NSG2: variants seen among roughly 807,000 people sequenced by gnomAD.
NSG2 encodes the protein neuronal vesicle trafficking associated 2.
In NSG2, 4 loss-of-function variants were observed where a neutral mutation model predicts 16.9. The observed-to-expected ratio is 0.24, with a 90% CI of 0.12 to 0.54. The LOEUF (loss-of-function observed/expected upper bound fraction) is 0.54. Ranked by LOEUF, NSG2 falls within the 20% of genes least tolerant of loss-of-function variation. The pLI, the probability that NSG2 is intolerant of heterozygous loss-of-function variation, is 0.95. For missense variants in NSG2, 179 were observed against 221.1 expected, an observed-to-expected ratio of 0.81 and a Z score of 1.21; for synonymous variants, 98 against 88.7, an observed-to-expected ratio of 1.11 and a Z score of -0.59.
Position 174,107,242 on chromosome 5 carries a change from G to T in NSG2, c.325-72G>T. ...CCCGATGCAGCTGCACTCCAGTCAG[G>T]GTGGCTGTGTTGCTGGGCAGGTTGG... On this transcript the variant is annotated intron_variant, in intron 4 of 4. Transcript: ENST00000303177. This position sits in a 1 kb window ranked among gnomAD's most constrained non-coding sequence, Gnocchi z 4.5. The T allele has an allele frequency of 1.5e-6, 2 of 1,368,834 alleles. No individual in the cohort carries two copies. The highest frequency in any genetic ancestry group is 2.0e-6 in the Non-Finnish European group (2 of 1,006,980). 84.8% of individuals were successfully genotyped at this position (1,368,834 alleles called of 1,614,324 possible). A position where few individuals can be genotyped will look rare whatever the true frequency, so the allele number is the denominator to read the frequency against.
At chr5:174,058,172 G>A (rs1759994139) in intron 2 of NSG2, among the ~76,000 whole-genome samples, 1 of 152,180 alleles carries the variant, frequency 6.6e-6, no homozygotes, top group Non-Finnish European at 1.5e-5. Context: ...GAGTGAGGTG[G>A]CTGGGGCAGG....
chr5:174,052,515 C>T (rs960129916), intron 2 of NSG2, among the ~76,000 whole-genome samples: 2 of 152,190 alleles, frequency 1.3e-5, no homozygotes, highest in Non-Finnish European at 2.9e-5. Context: ...AATTTCTCTA[C>T]TTGGTAGCTG....
intron 2 of NSG2, among the ~76,000 whole-genome samples, chr5:174,050,939 C>T (rs1373405744): frequency 1.3e-5 from 2 of 152,146 alleles, no homozygotes; most frequent in Non-Finnish European, 2.9e-5. Flanking sequence ...TGGAAACCTT[C>T]TGCATCTCCT....
chr5:174,049,211 G>C lies in NSG2; in HGVS notation c.129+2327G>C, dbSNP rs533483345. 6.7e-3 allele frequency among the ~76,000 whole-genome samples: 1,016 copies of C among 152,190 alleles called. 11 individuals are homozygous for C. The highest frequency in any genetic ancestry group is 0.024 in the African/African-American group (979 of 41,500). On this transcript the variant is annotated intron_variant, in intron 2 of 4. Transcript: ENST00000303177. ...AAAAATTAGCCGGGCGTGGTGGTGG[G>C]TGCCTGTAGTCCCAGCTACTTGGGA...
intron 3 of NSG2, among the ~76,000 whole-genome samples, chr5:174,077,528 C>T (rs943044640): frequency 5.3e-5 from 8 of 152,178 alleles, no homozygotes; most frequent in South Asian, 2.1e-4. Flanking sequence ...TCTACTCCTC[C>T]GCTTAGCTGT....
At chr5:174,061,162 C>A (rs1342581657) in intron 2 of NSG2, among the ~76,000 whole-genome samples, 1 of 152,114 alleles carries the variant, frequency 6.6e-6, no homozygotes, top group African/African-American at 2.4e-5. Context: ...TATACATACA[C>A]ACATGCATGG....
Position 174,104,235 on chromosome 5 carries a change from T to G in NSG2, c.221T>G (p.Ile74Ser), listed in dbSNP as rs1399013344. 6.2e-7 allele frequency: 1 copy of G among 1,613,906 alleles called. No individual in the cohort carries two copies. Among genetic ancestry groups the G allele is most frequent in the East Asian group, 2.2e-5 (1 of 44,862 alleles). ...VPKIAEFTVTILVSLALAFLA... is the reference protein window; with the variant it reads ...VPKIAEFTVTSLVSLALAFLA... ...AATTTTGTATTCCTCCAGGTCACCA[T>G]CCTTGTCAGCCTGGCCCTAGCTTTC... Residue 74 changes from isoleucine (I) to serine (S), a missense_variant, in exon 4 of 5, where the codon ATC (isoleucine) becomes AGC (serine). By Grantham distance (142) the Ile-to-Ser change is moderately radical. Transcript: ENST00000303177.
intron 3 of NSG2, among the ~76,000 whole-genome samples, chr5:174,073,622 A>G (rs1360606742): frequency 6.6e-6 from 1 of 152,200 alleles, no homozygotes; most frequent in African/African-American, 2.4e-5. Flanking sequence ...TCAAAAATGT[A>G]TGCTGTTATT....
intron 2 of NSG2, among the ~76,000 whole-genome samples, chr5:174,050,664 T>A (rs1759873835): frequency 6.6e-6 from 1 of 152,078 alleles, no homozygotes; most frequent in African/African-American, 2.4e-5. Context: ...AACTCTAGGC[T>A]TCCTCATCCA....
Position 174,104,111 on chromosome 5 carries a change from G to A in NSG2, c.214-117G>A, listed in dbSNP as rs1010598938. On this transcript the variant is annotated intron_variant, in intron 3 of 4. Transcript: ENST00000303177. The stretch of plus-strand genomic sequence containing the variant: ...AGCCAAGACAGAGCCAGTTCCTTGG[G>A]CCTGTCCCCCTTTCTAGCACACCAT... 9.9e-6 allele frequency: 7 copies of A among 708,594 alleles called. No individual in the cohort carries two copies. The African/African-American group carries it at 1.0e-4, about 11-fold the overall frequency. The allele number at this position is 708,594 out of a possible 1,614,324, so 43.9% of individuals were successfully genotyped here.
At position 174,104,266 on chromosome 5, in the gene NSG2, G is replaced by C; in HGVS notation, c.252G>C (p.Ala84=). Residue 84 remains alanine, a synonymous_variant, in exon 4 of 5, where the codon GCG becomes GCC. Transcript: ENST00000303177. ...TCAGCCTGGCCCTAGCTTTCCTTGC[G>C]TGCATCGTGTTCCTGGTGGTTTACA... ...ILVSLALAFL[A]CIVFLVVYKA... The C allele has an allele frequency of 6.2e-7, 1 of 1,614,116 alleles. No individual in the cohort carries two copies. Among genetic ancestry groups the C allele is most frequent in the Non-Finnish European group, 8.5e-7 (1 of 1,180,014 alleles).
chr5:174,099,821 C>G (rs1760871374), intron 3 of NSG2, among the ~76,000 whole-genome samples: 1 of 152,094 alleles, frequency 6.6e-6, no homozygotes, highest in African/African-American at 2.4e-5. Context: ...TCCCTGATGC[C>G]CCCGCCCCCA....
intron 3 of NSG2, among the ~76,000 whole-genome samples, chr5:174,089,368 C>T (rs1031603512): frequency 1.3e-5 from 2 of 152,136 alleles, no homozygotes; most frequent in Non-Finnish European, 2.9e-5. Flanking sequence ...AAAGTGTACG[C>T]CGCCACCAGA....
chr5:174,106,229 C>T (rs1760977330), intron 4 of NSG2, among the ~76,000 whole-genome samples: 1 of 152,118 alleles, frequency 6.6e-6, no homozygotes, highest in African/African-American at 2.4e-5. Context: ...GATCTATCTT[C>T]TTAAATATTT....
intron 3 of NSG2, among the ~76,000 whole-genome samples, chr5:174,065,255 G>A (rs1016700735): frequency 1.3e-5 from 2 of 151,902 alleles, no homozygotes; most frequent in Non-Finnish European, 2.9e-5. Context: ...GTGAACCAGG[G>A]AGGCAGAGCT....
chr5:174,086,241 A>C (rs1050575557), intron 3 of NSG2, among the ~76,000 whole-genome samples: 3 of 152,224 alleles, frequency 2.0e-5, no homozygotes, highest in Admixed American at 6.5e-5. Context: ...ACCCCGGGCC[A>C]ATCACTTTCT....
rs1204040770 is a variant in NSG2, at chr5:174,068,717, TGTC to T, written c.213+4403_213+4405del. Among the ~76,000 whole-genome samples the T allele has an allele frequency of 1.7e-4, 24 of 142,624 alleles. No individual in the cohort carries two copies. The South Asian group carries it at 1.9e-3, about 11-fold the overall frequency. 93.6% of individuals were successfully genotyped at this position (142,624 alleles called of 152,430 possible). On this transcript the variant is annotated intron_variant, in intron 3 of 4. Transcript: ENST00000303177. ...GTGCTGGTGCTGTGGAAGGTGCTGG[TGTC>T]ATGGGAATCCTGGTGCTATGGAAGG...
At chr5:174,097,412 G>A (rs755620783) in intron 3 of NSG2, among the ~76,000 whole-genome samples, 16 of 151,570 alleles carry the variant, frequency 1.1e-4, no homozygotes, top group Non-Finnish European at 1.6e-4. Context: ...CACACGGCAC[G>A]GTTTGGGCCA....
intron 3 of NSG2, 52 bp downstream of exon 3, chr5:174,064,367 C>A: frequency 7.6e-7 from 1 of 1,320,572 alleles, no homozygotes; most frequent in Non-Finnish European, 1.1e-6. Context: ...CTGGCTCCAG[C>A]CAGCTCAGCA....
Sources: gnomAD v4.1 joint callset for allele counts (sites outside exome capture counted in the v4.1 genomes callset) on GRCh38, gnomAD v4.1.1 for gene constraint, Gnocchi (gnomAD v3.1) non-coding constraint, MANE v1.5 for transcripts, NCBI Gene and HGNC (gene_info 2026-07-23, HGNC 2026-07-21) for gene names.